The following ADHFE1 variants were observed in gnomAD, a reference collection of about 807,000 sequenced individuals.
ADHFE1 encodes the protein hydroxyacid-oxoacid transhydrogenase, mitochondrial.
In ADHFE1, 37 loss-of-function variants were observed where a neutral mutation model predicts 54.8. That is an observed-to-expected ratio of 0.68 (90% CI 0.52 to 0.89). ADHFE1 has a LOEUF of 0.89. Among genes scored for constraint, ADHFE1 ranks in the 40% least tolerant of loss-of-function variants. The pLI, the probability that ADHFE1 is intolerant of heterozygous loss-of-function variation, is 0.00. For missense variants in ADHFE1, 601 were observed against 591.2 expected (o/e 1.02, Z -0.17); for synonymous variants, 203 against 229.3 (o/e 0.89, Z 1.04).
chr8:66,456,581 C>CTT (rs1806598044), intron 10 of ADHFE1, among the ~76,000 whole-genome samples: 2 of 152,216 alleles, frequency 1.3e-5, no homozygotes, highest in Admixed American at 6.5e-5. Flanking sequence ...TTTTTAATGT[C>CTT]ATACAATTCT....
chr8:66,459,246 A>G (rs1255769736), intron 12 of ADHFE1, among the ~76,000 whole-genome samples: 1 of 152,048 alleles, frequency 6.6e-6, no homozygotes, highest in Non-Finnish European at 1.5e-5. Context: ...TTGGCAGTGA[A>G]TGTGTTTGGC....
chr8:66,433,266 C>CGAGGG lies in ADHFE1; in HGVS notation c.59+692_59+696dup, dbSNP rs527940986. Among the ~76,000 whole-genome samples, 465 of 152,174 alleles carry CGAGGG rather than the reference C, an allele frequency of 3.1e-3. 1 individual carries two copies. Among genetic ancestry groups the CGAGGG allele is most frequent in the Non-Finnish European group, 5.1e-3 (347 of 68,010 alleles). On this transcript the variant is annotated intron_variant, in intron 1 of 13. Transcript: ENST00000396623. ...AGGTGCAGATCAGTAGGAGGAAAGG[C>CGAGGG]GAGGGACTGGCGAGGAACGTCAGGC...
At chr8:66,433,424 C>T (rs911389922) in intron 1 of ADHFE1, among the ~76,000 whole-genome samples, 1 of 152,160 alleles carries the variant, frequency 6.6e-6, no homozygotes, top group African/African-American at 2.4e-5. Flanking sequence ...ATAGCTAATA[C>T]GATGAGCCCG....
At chr8:66,447,629 T>C (rs906862906) in intron 7 of ADHFE1, among the ~76,000 whole-genome samples, 4 of 152,200 alleles carry the variant, frequency 2.6e-5, no homozygotes, top group Non-Finnish European at 4.4e-5. Flanking sequence ...ATGTACCCTG[T>C]AAATATGTTA....
chr8:66,448,443 C>T (rs1044346979), intron 7 of ADHFE1, among the ~76,000 whole-genome samples: 3 of 152,178 alleles, frequency 2.0e-5, no homozygotes, highest in Non-Finnish European at 2.9e-5. Context: ...ACAGAGAACT[C>T]AGAGAGGCTA....
intron 13 of ADHFE1, among the ~76,000 whole-genome samples, chr8:66,460,883 T>C (rs1200201162): frequency 6.6e-6 from 1 of 152,232 alleles, no homozygotes; most frequent in Non-Finnish European, 1.5e-5. Flanking sequence ...GTCTCTACTA[T>C]TTTGTGAAGA....
chr8:66,460,119 C>T (rs529280905), intron 12 of ADHFE1, 189 bp from the exon 13 acceptor site: 52 of 642,950 alleles, frequency 8.1e-5, no homozygotes, highest in Non-Finnish European at 1.1e-4. Context: ...GCAGCCCCTC[C>T]GAAATGTCAG....
intron 1 of ADHFE1, 142 bp from the exon 2 acceptor site, chr8:66,440,020 C>G: frequency 1.2e-6 from 1 of 831,762 alleles, no homozygotes; most frequent in Non-Finnish European, 1.9e-6. Context: ...TATATTTTTT[C>G]TATTGTACAG....
At chr8:66,436,552 G>T (rs1314599482) in intron 1 of ADHFE1, among the ~76,000 whole-genome samples, 1 of 152,134 alleles carries the variant, frequency 6.6e-6, no homozygotes, top group African/African-American at 2.4e-5. Context: ...GGGAAGAGCA[G>T]GCTTGAGAGA....
At chr8:66,440,013 A>G in intron 1 of ADHFE1, 149 bp from the exon 2 acceptor site, 1 of 792,882 alleles carries the variant, frequency 1.3e-6, no homozygotes. Flanking sequence ...GTCTATATAT[A>G]TTTTTTCTAT....
Position 66,468,359 on chromosome 8 carries a change from T to C in ADHFE1, c.*7T>C. 1 of 1,609,728 alleles carries C rather than the reference T, an allele frequency of 6.2e-7. No homozygotes were observed. Among genetic ancestry groups the C allele is most frequent in the Non-Finnish European group, 8.5e-7 (1 of 1,177,468 alleles). On this transcript the variant is annotated 3_prime_UTR_variant, in exon 14 of 14. Coordinates refer to ENST00000396623, the MANE Select transcript of ADHFE1 (RefSeq NM_144650.3). ...TTCAATGAAACTGTATTAATTGTCA[T>C]TTTAACTGAAAGAATTACCGCTGGC...
At chr8:66,435,661 A>G (rs1586428910) in intron 1 of ADHFE1, among the ~76,000 whole-genome samples, 1 of 119,928 alleles carries the variant, frequency 8.3e-6, no homozygotes, top group Non-Finnish European at 1.6e-5. Context: ...CTTAGGCTGG[A>G]GTGCAGTGAT....
At position 66,452,004 on chromosome 8, in the gene ADHFE1, C is replaced by T. The variant is rs924983554; in HGVS notation, c.786C>T (p.Cys262=). 1 of 1,614,214 alleles carries T rather than the reference C, an allele frequency of 6.2e-7. No homozygotes were observed. Residue 262 remains cysteine, a synonymous_variant, in exon 9 of 14, where the codon TGC becomes TGT. Coordinates refer to ENST00000396623, the MANE Select transcript of ADHFE1 (RefSeq NM_144650.3). ...TGCCCTACCACCTGCGGAGCCCCTG[C>T]CCTTCAAATCCCATCACACGGCCTG... ...TTLPYHLRSP[C]PSNPITRPAY...
intron 8 of ADHFE1, among the ~76,000 whole-genome samples, chr8:66,449,810 C>T (rs1432908474): frequency 2.0e-5 from 3 of 152,180 alleles, no homozygotes; most frequent in Admixed American, 6.5e-5. Context: ...TTTCATCCTC[C>T]GTGGTACCTA....
intron 13 of ADHFE1, among the ~76,000 whole-genome samples, chr8:66,461,851 T>A (rs1806915612): frequency 6.6e-6 from 1 of 152,208 alleles, no homozygotes; most frequent in Non-Finnish European, 1.5e-5. Flanking sequence ...TGAATTCAAT[T>A]GCATCTACAA....
intron 13 of ADHFE1, among the ~76,000 whole-genome samples, chr8:66,465,237 A>G (rs1303151127): frequency 6.6e-6 from 1 of 152,194 alleles, no homozygotes; most frequent in Non-Finnish European, 1.5e-5. Context: ...TATACCTAGG[A>G]GTAGAATTGT....
chr8:66,452,183 C>A (rs1031998202), intron 9 of ADHFE1, 78 bp downstream of exon 9: 1 of 1,527,442 alleles, frequency 6.5e-7, no homozygotes, highest in African/African-American at 1.4e-5. Context: ...CATGCCTGAG[C>A]CTGAAATATC....
At chr8:66,466,162 A>C (rs1807170789) in intron 13 of ADHFE1, among the ~76,000 whole-genome samples, 1 of 148,622 alleles carries the variant, frequency 6.7e-6, no homozygotes, top group Non-Finnish European at 1.5e-5. Flanking sequence ...TCCACCTCCC[A>C]GGCTCAAGCA....
chr8:66,443,264 ATTTTT>A (rs540464621), intron 3 of ADHFE1, among the ~76,000 whole-genome samples: 12 of 86,090 alleles, frequency 1.4e-4, no homozygotes, highest in Middle Eastern at 7.5e-3. Context: ...TAGTCCAGGA[ATTTTT>A]TTTTTTTTTT....
Sources: allele counts gnomAD v4.1 joint callset (sites outside exome capture counted in the v4.1 genomes callset), GRCh38; gene constraint gnomAD v4.1.1; transcripts MANE v1.5; gene names NCBI Gene and HGNC (gene_info 2026-07-23, HGNC 2026-07-21).